Variants in ARHGAP12 observed in about 807,000 individuals in gnomAD.
ARHGAP12 encodes Rho GTPase activating protein 12.
Under a neutral mutation model 108.6 loss-of-function variants are expected in ARHGAP12, and 64 were observed. That is an observed-to-expected ratio of 0.59 (90% confidence interval 0.48 to 0.73). The LOEUF is 0.73. ARHGAP12 is among the 30% of genes least tolerant of loss of function. ARHGAP12 has a pLI of 0.00. For synonymous variants in ARHGAP12, 312 were observed against 337.2 expected, an observed-to-expected ratio of 0.93 and a Z score of 0.82; for missense variants, 940 against 1,005.9, an observed-to-expected ratio of 0.93 and a Z score of 0.89.
chr10:31,821,026 G>A (rs1387777399), intron 11 of ARHGAP12, among the ~76,000 whole-genome samples: 1 of 152,060 alleles, frequency 6.6e-6, no homozygotes, highest in African/African-American at 2.4e-5. Flanking sequence ...GTATCAGGTA[G>A]ATAACAAGCG....
At chr10:31,918,577 C>T (rs1406808908) in intron 1 of ARHGAP12, among the ~76,000 whole-genome samples, 2 of 152,178 alleles carry the variant, frequency 1.3e-5, no homozygotes, top group Admixed American at 1.3e-4. Flanking sequence ...ATTGGTGGCA[C>T]ATGCCTGTAG....
At chr10:31,852,851 C>T (rs1258008859) in intron 5 of ARHGAP12, among the ~76,000 whole-genome samples, 3 of 151,178 alleles carry the variant, frequency 2.0e-5, no homozygotes, top group Admixed American at 6.6e-5. Flanking sequence ...ATCAGCCTCC[C>T]GAGTAGCTGG....
chr10:31,927,916 G>C (rs1433196758), intron 1 of ARHGAP12, among the ~76,000 whole-genome samples: 2 of 152,238 alleles, frequency 1.3e-5, no homozygotes, highest in Non-Finnish European at 2.9e-5. Flanking sequence ...CGCTGGTAAA[G>C]AGGATTTTTC....
At chr10:31,809,901 T>C (rs1834952047) in intron 16 of ARHGAP12, among the ~76,000 whole-genome samples, 1 of 152,194 alleles carries the variant, frequency 6.6e-6, no homozygotes, top group African/African-American at 2.4e-5. Context: ...ATGATAATAA[T>C]GTACAAATTT....
At chr10:31,848,761 CT>C (rs1163619610) in intron 6 of ARHGAP12, among the ~76,000 whole-genome samples, 1 of 151,952 alleles carries the variant, frequency 6.6e-6, no homozygotes, top group Non-Finnish European at 1.5e-5. Flanking sequence ...AATTTTAAGC[CT>C]TTATTAAATT....
At chr10:31,815,779 CT>C (rs1835180128) in intron 13 of ARHGAP12, among the ~76,000 whole-genome samples, 1 of 151,984 alleles carries the variant, frequency 6.6e-6, no homozygotes, top group African/African-American at 2.4e-5. Context: ...CTGCAAAGTT[CT>C]TGCACCTCTT....
intron 3 of ARHGAP12, among the ~76,000 whole-genome samples, chr10:31,885,818 C>CAA (rs766985293): frequency 4.9e-5 from 5 of 102,820 alleles, no homozygotes; most frequent in Non-Finnish European, 7.9e-5. Context: ...GACACCAACT[C>CAA]AAAAAAAAAA....
At chr10:31,855,149 G>A (rs1261076520) in intron 4 of ARHGAP12, among the ~76,000 whole-genome samples, 1 of 141,566 alleles carries the variant, frequency 7.1e-6, no homozygotes, top group Admixed American at 7.1e-5. Context: ...GGGAAAGGGA[G>A]GGGGAGGAGA....
At chr10:31,846,115 T>C (rs1220298314) in intron 6 of ARHGAP12, among the ~76,000 whole-genome samples, 1 of 137,560 alleles carries the variant, frequency 7.3e-6, no homozygotes, top group Non-Finnish European at 1.6e-5. Context: ...ATCAACATTT[T>C]ACTACTTCAA....
rs184938526 is a variant in ARHGAP12 at position 31,865,764 on chromosome 10, G to C, written c.685-4106C>G. Among the ~76,000 whole-genome samples the C allele has an allele frequency of 4.9e-4, 75 of 152,042 alleles. 1 individual carries two copies. The highest frequency in any genetic ancestry group is 3.4e-3 in the Middle Eastern group (1 of 294). On this transcript the variant is annotated intron_variant, in intron 3 of 19. Coordinates refer to ENST00000344936, the MANE Select transcript of ARHGAP12 (RefSeq NM_018287.7). ...GTGGTGGCGGGCGCCTGTAGTCCCA[G>C]CTACTCGGGAGGCTGAGGCAGGAGA...
chr10:31,829,554 G>A (rs1249224956), intron 10 of ARHGAP12, among the ~76,000 whole-genome samples: 1 of 152,142 alleles, frequency 6.6e-6, no homozygotes, highest in Admixed American at 6.6e-5. Context: ...TGCTACAATG[G>A]ATTTGACAAC....
chr10:31,868,291 T>C (rs1344848466), intron 3 of ARHGAP12, among the ~76,000 whole-genome samples: 2 of 151,710 alleles, frequency 1.3e-5, no homozygotes, highest in African/African-American at 4.8e-5. Context: ...AACAATACAA[T>C]GAAATTCCAA....
intron 3 of ARHGAP12, among the ~76,000 whole-genome samples, chr10:31,907,489 C>T (rs1346379878): frequency 6.6e-6 from 1 of 151,428 alleles, no homozygotes; most frequent in African/African-American, 2.4e-5. Flanking sequence ...TTTTAATTAG[C>T]TGGCTGTGGT....
intron 3 of ARHGAP12, among the ~76,000 whole-genome samples, chr10:31,900,111 T>C (rs1838857790): frequency 6.6e-6 from 1 of 152,188 alleles, no homozygotes; most frequent in Non-Finnish European, 1.5e-5. Flanking sequence ...AATAAGCATA[T>C]GAAAAGATGC....
chr10:31,858,696 C>T (rs187105604), intron 4 of ARHGAP12, among the ~76,000 whole-genome samples: 7 of 152,256 alleles, frequency 4.6e-5, no homozygotes, highest in Non-Finnish European at 1.0e-4. Context: ...TCTAGGGTAA[C>T]CACTAAAATA....
In ARHGAP12 at chr10:31,852,585, C is replaced by T; in HGVS notation, c.1102G>A (p.Val368Ile). The T allele has an allele frequency of 6.2e-7, 1 of 1,612,558 alleles. No homozygotes were observed. The highest frequency in any genetic ancestry group is 8.5e-7 in the Non-Finnish European group (1 of 1,178,746). ...DYTNEKWLKH[V>I]DDQGRQYYYS... is the part of the protein sequence containing the mutation. ...TAATATTGTCTACCTTGATCATCAA[C>T]ATGCTTGAGCCACTATAAAAACAGA... The change falls in exon 6 of 20, where the codon GTT (valine) becomes ATT (isoleucine). Residue 368 changes from valine to isoleucine, a missense_variant. Val to Ile is a conservative substitution (Grantham distance 29). Transcript: ENST00000344936.
intron 11 of ARHGAP12, among the ~76,000 whole-genome samples, chr10:31,823,476 C>CAAAAA (rs529281463): frequency 7.8e-6 from 1 of 128,072 alleles, no homozygotes. Context: ...CACTCTCTGC[C>CAAAAA]AAAAAAAAAA....
chr10:31,821,985 C>T (rs1436408476), intron 11 of ARHGAP12, among the ~76,000 whole-genome samples: 4 of 151,946 alleles, frequency 2.6e-5, no homozygotes, highest in South Asian at 2.1e-4. Context: ...TCATCATACA[C>T]GCTGTAGATG....
intron 19 of ARHGAP12, 147 bp downstream of exon 19, chr10:31,808,501 TA>T: frequency 1.6e-6 from 1 of 643,450 alleles, no homozygotes; most frequent in Non-Finnish European, 2.8e-6. Flanking sequence ...AGACTGATAC[TA>T]AAAGGAGTTG....
Sources: gnomAD v4.1 joint callset for allele counts (sites outside exome capture counted in the v4.1 genomes callset) on GRCh38, gnomAD v4.1.1 for gene constraint, MANE v1.5 for transcripts, NCBI Gene and HGNC (gene_info 2026-07-23, HGNC 2026-07-21) for gene names.